Variants in DLGAP1 observed in about 807,000 individuals in gnomAD.
The protein encoded by DLGAP1 is DLG associated protein 1.
Under a neutral mutation model 90.8 loss-of-function variants are expected in DLGAP1, and 11 were observed. The observed-to-expected ratio is 0.12, with a 90% CI of 0.08 to 0.20. The LOEUF (loss-of-function observed/expected upper bound fraction) is 0.20. Among genes scored for constraint, DLGAP1 ranks in the 10% least tolerant of loss-of-function variants. DLGAP1 has a pLI of 1.00. For synonymous variants in DLGAP1, 558 were observed against 540.7 expected, an observed-to-expected ratio of 1.03 and a Z score of -0.44; for missense variants, 1,050 against 1,333.8, an observed-to-expected ratio of 0.79 and a Z score of 3.31.
At chr18:3,972,512 C>T (rs1011448362) in intron 3 of DLGAP1, among the ~76,000 whole-genome samples, 1 of 150,438 alleles carries the variant, frequency 6.6e-6, no homozygotes, top group African/African-American at 2.4e-5. Context: ...CACACACTCT[C>T]TCTCTCTCTC....
intron 3 of DLGAP1, among the ~76,000 whole-genome samples, chr18:3,927,996 C>T (rs2072430987): frequency 6.6e-6 from 1 of 152,188 alleles, no homozygotes; most frequent in Non-Finnish European, 1.5e-5. Flanking sequence ...TGAAGACTTA[C>T]CTGCTGGGGA....
chr18:3,729,479 G>T lies in DLGAP1; in HGVS notation c.1351-104C>A. ...ATCCCCAGAAGAAAAAGCAGCGTCT[G>T]GTTAGATTAAGCTCAAATGCATTTT... is the stretch of plus-strand genomic sequence containing the variant. On this transcript the variant is annotated intron_variant, in intron 6 of 12. Coordinates refer to ENST00000315677, the MANE Select transcript of DLGAP1 (RefSeq NM_004746.4). This position sits in a 1 kb window ranked among gnomAD's most constrained non-coding sequence, Gnocchi z 6.2. The T allele has an allele frequency of 1.4e-6, 2 of 1,464,196 alleles. No homozygotes were observed. The highest frequency in any genetic ancestry group is 1.4e-5 in the South Asian group (1 of 72,708). The allele number at this position is 1,464,196 out of a possible 1,614,324, so 90.7% of individuals were successfully genotyped here.
intron 7 of DLGAP1, among the ~76,000 whole-genome samples, chr18:3,671,440 T>G (rs1346186311): frequency 6.6e-6 from 1 of 152,222 alleles, no homozygotes; most frequent in Non-Finnish European, 1.5e-5. Context: ...AGCAGCCTGG[T>G]GCCTGGCACA....
intron 3 of DLGAP1, among the ~76,000 whole-genome samples, chr18:3,948,036 T>C (rs2072910593): frequency 1.3e-5 from 2 of 151,974 alleles, no homozygotes; most frequent in Admixed American, 1.3e-4. Flanking sequence ...TGAATGCACA[T>C]CCCCAAAATG....
rs2082302112 is a variant in DLGAP1 at position 4,389,673 on chromosome 18, A to T, written c.-267+65333T>A. ...CCAAAATTACTACAATGGGATGTGT[A>T]CCTTTTATAGTCAAAATAGAAGTTA... On this transcript the variant is annotated intron_variant, in intron 1 of 12. Transcript: ENST00000315677. Among the ~76,000 whole-genome samples the T allele has an allele frequency of 2.0e-5, 3 of 152,302 alleles. No homozygotes were observed. The South Asian group carries it at 6.2e-4, about 32-fold the overall frequency.
chr18:4,342,335 T>C lies in DLGAP1; in HGVS notation c.-267+112671A>G, dbSNP rs1222331815. Among the ~76,000 whole-genome samples the C allele has an allele frequency of 6.6e-6, 1 of 152,148 alleles. No homozygotes were observed. Among genetic ancestry groups the C allele is most frequent in the African/African-American group, 2.4e-5 (1 of 41,434 alleles). On this transcript the variant is annotated intron_variant, in intron 1 of 12. Coordinates refer to ENST00000315677, the MANE Select transcript of DLGAP1 (RefSeq NM_004746.4). This position sits in a 1 kb window ranked among gnomAD's most constrained non-coding sequence, Gnocchi z 5.8. ...TGTATTTTTGAACTATAAAATATTATACTTATGAATATAAATAGAATATGT... is the reference window on the plus strand; with the variant it reads ...TGTATTTTTGAACTATAAAATATTACACTTATGAATATAAATAGAATATGT...
chr18:4,389,011 T>C (rs1342721287), intron 1 of DLGAP1, among the ~76,000 whole-genome samples: 1 of 152,118 alleles, frequency 6.6e-6, no homozygotes, highest in Non-Finnish European at 1.5e-5. Context: ...CTTCTGGGTA[T>C]ATGGCCAAAA....
intron 1 of DLGAP1, among the ~76,000 whole-genome samples, chr18:4,338,843 T>C (rs2081128425): frequency 6.6e-6 from 1 of 152,198 alleles, no homozygotes; most frequent in Admixed American, 6.5e-5. Flanking sequence ...GATCAGGACA[T>C]TAACAGAGTC....
rs1186426563 is a variant in DLGAP1, at chr18:3,720,888, C to CAAAAAAAAAAAA, written c.1591+8235_1591+8246dup. On this transcript the variant is annotated intron_variant, in intron 7 of 12. Transcript: ENST00000315677. ...GCAACATACTAAGACCTTGTCTCTACAAAAAAAAAAAAAAAAAAAAATTAG... is the reference window on the plus strand; with the variant it reads ...GCAACATACTAAGACCTTGTCTCTACAAAAAAAAAAAAAAAAAAAAAAAAAAAAAAAAATTAG... 6.4e-4 allele frequency among the ~76,000 whole-genome samples: 32 copies of CAAAAAAAAAAAA among 50,314 alleles called. 2 individuals are homozygous for CAAAAAAAAAAAA. The highest frequency in any genetic ancestry group is 1.3e-3 in the East Asian group (2 of 1,514). 33.0% of individuals were successfully genotyped at this position (50,314 alleles called of 152,430 possible).
chr18:4,419,751 C>T (rs180959972), intron 1 of DLGAP1, among the ~76,000 whole-genome samples: 2 of 151,222 alleles, frequency 1.3e-5, no homozygotes, highest in African/African-American at 4.8e-5. Flanking sequence ...AATCACAGAG[C>T]AAACACTAAA....
chr18:3,898,046 G>A (rs539443807), intron 3 of DLGAP1, among the ~76,000 whole-genome samples: 2,073 of 152,102 alleles, frequency 0.014, 25 homozygotes, highest in South Asian at 0.051. Context: ...CGCCCGCCTT[G>A]GCCTCCCAAA....
intron 7 of DLGAP1, among the ~76,000 whole-genome samples, chr18:3,670,037 G>A (rs2060032717): frequency 1.3e-5 from 2 of 152,122 alleles, no homozygotes; most frequent in Admixed American, 6.5e-5. Context: ...GGTGTGCGAT[G>A]GGAACAAGGG....
chr18:3,791,591 GA>G (rs1288341116), intron 5 of DLGAP1, among the ~76,000 whole-genome samples: 2 of 152,156 alleles, frequency 1.3e-5, no homozygotes, highest in African/African-American at 4.8e-5. Flanking sequence ...ATCTTATTCA[GA>G]CAAAAACACA....
At chr18:4,027,734 C>T (rs2074727341) in intron 2 of DLGAP1, among the ~76,000 whole-genome samples, 1 of 152,012 alleles carries the variant, frequency 6.6e-6, no homozygotes, top group African/African-American at 2.4e-5. Context: ...TTGAGATCAA[C>T]TTAGAACTTT....
chr18:4,175,427 T>A (rs567065826), intron 1 of DLGAP1, among the ~76,000 whole-genome samples: 1 of 152,230 alleles, frequency 6.6e-6, no homozygotes, highest in Non-Finnish European at 1.5e-5. Context: ...TTTAATTAGA[T>A]CCCATTTGTC....
chr18:4,108,324 A>G (rs1188503706), intron 2 of DLGAP1, among the ~76,000 whole-genome samples: 2 of 152,282 alleles, frequency 1.3e-5, no homozygotes, highest in Admixed American at 1.3e-4. Flanking sequence ...TGGTCCTCCA[A>G]TCACACTACT....
At chr18:3,978,968 T>C (rs958568128) in intron 3 of DLGAP1, among the ~76,000 whole-genome samples, 1 of 151,944 alleles carries the variant, frequency 6.6e-6, no homozygotes, top group Non-Finnish European at 1.5e-5. Flanking sequence ...CCACATTGAG[T>C]AATAAAGACA....
At chr18:4,286,193 A>G (rs527926291) in intron 1 of DLGAP1, among the ~76,000 whole-genome samples, 1 of 152,322 alleles carries the variant, frequency 6.6e-6, no homozygotes, top group South Asian at 2.1e-4. Context: ...ACTGTGAGCA[A>G]AACAGTATTA....
At chr18:3,572,352 C>T (rs2054856723) in intron 8 of DLGAP1, among the ~76,000 whole-genome samples, 1 of 152,236 alleles carries the variant, frequency 6.6e-6, no homozygotes, top group Non-Finnish European at 1.5e-5. Context: ...AGAAAATATT[C>T]ATCCTTACTT....
Sources: allele counts gnomAD v4.1 joint callset (sites outside exome capture counted in the v4.1 genomes callset), GRCh38; gene constraint gnomAD v4.1.1; non-coding constraint Gnocchi (gnomAD v3.1); transcripts MANE v1.5; gene names NCBI Gene and HGNC (gene_info 2026-07-23, HGNC 2026-07-21).